PRKDC: variants seen among roughly 807,000 people sequenced by gnomAD.
PRKDC encodes protein kinase, DNA-activated, catalytic subunit, also known as DNA-dependent protein kinase catalytic subunit.
PRKDC carries 82 observed loss-of-function variants against 486.9 expected under a neutral mutation model. That is an observed-to-expected ratio of 0.17 (90% CI 0.14 to 0.20). The LOEUF is 0.20. Among genes scored for constraint, PRKDC ranks in the 10% least tolerant of loss-of-function variants. PRKDC has a pLI of 1.00. For synonymous variants in PRKDC, 1,895 were observed against 1,837.0 expected (o/e 1.03, Z -0.81); for missense variants, 4,504 against 5,038.2 (o/e 0.89, Z 3.21).
At chr8:47,806,507 T>A (rs1172653395) in intron 69 of PRKDC, among the ~76,000 whole-genome samples, 1 of 152,234 alleles carries the variant, frequency 6.6e-6, no homozygotes, top group Non-Finnish European at 1.5e-5. Context: ...AAAAGAAGTA[T>A]TATTTCTACT....
intron 17 of PRKDC, 66 bp from the exon 18 acceptor site, chr8:47,930,078 A>T: frequency 7.3e-7 from 1 of 1,367,488 alleles, no homozygotes; most frequent in Non-Finnish European, 1.0e-6. Flanking sequence ...ATTGTAAGGG[A>T]CATAATCGAA....
At chr8:47,893,899 T>C (rs2089518529) in intron 30 of PRKDC, among the ~76,000 whole-genome samples, 1 of 152,214 alleles carries the variant, frequency 6.6e-6, no homozygotes, top group South Asian at 2.1e-4. Context: ...AACTGCATTT[T>C]GTATGCTCTG....
At chr8:47,863,859 C>G (rs1436461683) in intron 41 of PRKDC, among the ~76,000 whole-genome samples, 2 of 152,108 alleles carry the variant, frequency 1.3e-5, no homozygotes, top group Non-Finnish European at 2.9e-5. Context: ...GACATGGGAA[C>G]AACAGGTGAA....
intron 33 of PRKDC, 22 bp downstream of exon 33, chr8:47,888,992 C>T (rs776904911): frequency 3.2e-5 from 52 of 1,604,364 alleles, no homozygotes; most frequent in East Asian, 4.5e-5. Context: ...AACATGTCCC[C>T]GATTGTGACC....
At chr8:47,955,553 T>C (rs1003915159) in intron 4 of PRKDC, among the ~76,000 whole-genome samples, 6 of 152,078 alleles carry the variant, frequency 3.9e-5, no homozygotes, top group Non-Finnish European at 7.4e-5. Context: ...TAAGGTGATC[T>C]TTCAGCAATT....
intron 41 of PRKDC, among the ~76,000 whole-genome samples, chr8:47,864,051 T>C (rs886501644): frequency 6.6e-6 from 1 of 152,174 alleles, no homozygotes; most frequent in Non-Finnish European, 1.5e-5. Flanking sequence ...AAAAAGGACT[T>C]TGTAGACAAA....
intron 73 of PRKDC, among the ~76,000 whole-genome samples, chr8:47,796,668 C>T (rs756910197): frequency 1.1e-4 from 16 of 151,826 alleles, no homozygotes; most frequent in South Asian, 2.1e-4. Flanking sequence ...GGCGCCACCT[C>T]GGCTCACTGC....
chr8:47,784,257 CAA>C (rs538749759), intron 77 of PRKDC: 127 of 102,688 alleles, frequency 1.2e-3, no homozygotes, highest in South Asian at 2.9e-3. Flanking sequence ...GACTCCATCG[CAA>C]AAAAAAAAAA....
intron 26 of PRKDC, among the ~76,000 whole-genome samples, chr8:47,903,094 GA>G (rs562953406): frequency 1.8e-3 from 279 of 151,908 alleles, no homozygotes; most frequent in African/African-American, 6.2e-3. Context: ...TCCCTTCCCT[GA>G]AAAAAAAGAA....
In PRKDC at chr8:47,782,016, G is replaced by T; in HGVS notation, c.11489+146C>A. 1.6e-6 allele frequency: 1 copy of T among 623,438 alleles called. No homozygotes were observed. The allele number at this position is 623,438 out of a possible 1,614,324, so 38.6% of individuals were successfully genotyped here. A position where few individuals can be genotyped will look rare whatever the true frequency, so the allele number is the denominator to read the frequency against. On this transcript the variant is annotated intron_variant, in intron 80 of 85. Coordinates refer to ENST00000314191, the MANE Select transcript of PRKDC (RefSeq NM_006904.7). The surrounding 1 kb of genome is among the most constrained non-coding windows in gnomAD (Gnocchi z 4.9). ...ATCTGCAACTACTGGTTAGCAGCCA[G>T]CACTCCATTTGGTTTATTGACCCAG...
rs1389885860 is a variant in PRKDC at position 47,927,437 on chromosome 8, T to C, written c.2260-84A>G. 9.2e-6 allele frequency: 13 copies of C among 1,412,048 alleles called. No homozygotes were observed. In the African/African-American group the frequency reaches 1.7e-4, roughly 19 times the overall value. The allele number at this position is 1,412,048 out of a possible 1,614,324, so 87.5% of individuals were successfully genotyped here. On this transcript the variant is annotated intron_variant, in intron 20 of 85. Coordinates refer to ENST00000314191, the MANE Select transcript of PRKDC (RefSeq NM_006904.7). ...AAAAACACCAAGTAATTGTGATTTC[T>C]AATTAATACTCCTTTTTATTACTGG...
rs767986046 is a variant in PRKDC at position 47,930,710 on chromosome 8, T to C, written c.1854A>G (p.Lys618=). ...CCAGGTTAATGAAAGCCGAAAAATC[T>C]TTAGGTTTAGCTGGATGCAAGTTAG... ...PAANLHPAKP[K]DFSAFINLVE... is the part of the protein sequence containing the mutation. Residue 618 remains lysine (K), a synonymous_variant, in exon 17 of 86, where the codon AAA becomes AAG. Coordinates refer to ENST00000314191, the MANE Select transcript of PRKDC (RefSeq NM_006904.7). 1 of 1,586,782 alleles carries C rather than the reference T, an allele frequency of 6.3e-7. No homozygotes were observed.
intron 25 of PRKDC, among the ~76,000 whole-genome samples, chr8:47,907,808 TGTA>T (rs2089819767): frequency 1.3e-5 from 2 of 152,040 alleles, no homozygotes; most frequent in Non-Finnish European, 2.9e-5. Flanking sequence ...TATATACACG[TGTA>T]AAAATAAAAA....
At chr8:47,908,335 C>G (rs1589783791) in intron 25 of PRKDC, among the ~76,000 whole-genome samples, 1 of 152,228 alleles carries the variant, frequency 6.6e-6, no homozygotes, top group African/African-American at 2.4e-5. Flanking sequence ...TTTCTTTATA[C>G]ATTTGTCCAT....
In PRKDC at chr8:47,890,129, T is replaced by TATA. The variant is rs36103307; in HGVS notation, c.4071+125_4071+127dup. The TATA allele has an allele frequency of 0.024, 8,737 of 360,550 alleles. 182 individuals are homozygous for TATA. The highest frequency in any genetic ancestry group is 0.076 in the African/African-American group (3,389 of 44,460). The allele number at this position is 360,550 out of a possible 1,614,324, so 22.3% of individuals were successfully genotyped here. A position where few individuals can be genotyped will look rare whatever the true frequency, so the allele number is the denominator to read the frequency against. On this transcript the variant is annotated intron_variant, in intron 32 of 85. Transcript: ENST00000314191. ...GAAAAGCTGGGTTGAGAGGATGAAA[T>TATA]ATAATAATAATAATAATAATAATAA...
chr8:47,830,371 G>T (rs1416168711), intron 61 of PRKDC, among the ~76,000 whole-genome samples: 1 of 152,096 alleles, frequency 6.6e-6, no homozygotes, highest in African/African-American at 2.4e-5. Context: ...GATAAATAAC[G>T]TCTTCAGCAC....
At chr8:47,791,444 T>C (rs934230442) in intron 74 of PRKDC, among the ~76,000 whole-genome samples, 3 of 152,020 alleles carry the variant, frequency 2.0e-5, no homozygotes, top group Admixed American at 1.3e-4. Flanking sequence ...CACTGCACTC[T>C]ACCCTGGGCA....
intron 35 of PRKDC, 146 bp downstream of exon 35, chr8:47,887,401 T>C: frequency 1.5e-6 from 1 of 646,970 alleles, no homozygotes; most frequent in South Asian, 6.8e-5. Flanking sequence ...AAAATAATCT[T>C]TTAGAAAGTT....
chr8:47,936,194 C>G (rs143260509), intron 12 of PRKDC, among the ~76,000 whole-genome samples, 159 bp downstream of exon 12: 1 of 152,102 alleles, frequency 6.6e-6, no homozygotes, highest in Non-Finnish European at 1.5e-5. Flanking sequence ...AACAAAAAAT[C>G]GAGTTTCATG....
Sources: allele counts gnomAD v4.1 joint callset (sites outside exome capture counted in the v4.1 genomes callset), GRCh38; gene constraint gnomAD v4.1.1; non-coding constraint Gnocchi (gnomAD v3.1); transcripts MANE v1.5; gene names NCBI Gene and HGNC (gene_info 2026-07-23, HGNC 2026-07-21).